Variants in CTNND2 observed in about 807,000 individuals in gnomAD.
CTNND2 encodes the protein catenin delta-2.
CTNND2 carries 22 observed loss-of-function variants against 144.4 expected under a neutral mutation model. The ratio of observed to expected loss-of-function variants is 0.15; its 90% CI spans 0.11 to 0.22. CTNND2 has a LOEUF of 0.22. Among genes scored for constraint, CTNND2 ranks in the 10% least tolerant of loss-of-function variants. The probability of loss-of-function intolerance (pLI) is 1.00; values close to 1 mark genes in which losing one functional copy is unlikely to be tolerated. For missense variants in CTNND2, 1,353 were observed against 1,618.8 expected (o/e 0.84, Z 2.82); for synonymous variants, 751 against 695.6 (o/e 1.08, Z -1.25).
intron 2 of CTNND2, among the ~76,000 whole-genome samples, chr5:11,666,094 TA>T (rs1454973764): frequency 6.6e-6 from 1 of 152,172 alleles, no homozygotes; most frequent in African/African-American, 2.4e-5. Context: ...GGATGACACT[TA>T]AGCCCCAAAC....
chr5:11,491,203 G>T (rs2149993414), intron 3 of CTNND2, among the ~76,000 whole-genome samples: 1 of 152,222 alleles, frequency 6.6e-6, no homozygotes, highest in East Asian at 1.9e-4. Flanking sequence ...GTATCCTCCT[G>T]TCCTGGTTCC....
chr5:11,348,072 GAGA>G (rs1754972341), intron 8 of CTNND2, among the ~76,000 whole-genome samples: 1 of 152,124 alleles, frequency 6.6e-6, no homozygotes, highest in Non-Finnish European at 1.5e-5. Context: ...AAATATTTAA[GAGA>G]AACTTTATAA....
chr5:10,987,208 T>C (rs1738089749), intron 20 of CTNND2, among the ~76,000 whole-genome samples: 1 of 152,192 alleles, frequency 6.6e-6, no homozygotes, highest in Non-Finnish European at 1.5e-5. Flanking sequence ...CACATCCTGC[T>C]TCTTGGAGGA....
intron 3 of CTNND2, among the ~76,000 whole-genome samples, chr5:11,559,168 T>C (rs1360574592): frequency 6.6e-6 from 1 of 152,154 alleles, no homozygotes; most frequent in Non-Finnish European, 1.5e-5. Context: ...TACACGTGTG[T>C]GGGTGGGATT....
intron 3 of CTNND2, among the ~76,000 whole-genome samples, chr5:11,493,288 G>C (rs1769617014): frequency 6.6e-6 from 1 of 152,116 alleles, no homozygotes; most frequent in South Asian, 2.1e-4. Context: ...CCCTGAGTTT[G>C]AAGTATCAGG....
At chr5:11,501,836 G>A (rs554249180) in intron 3 of CTNND2, among the ~76,000 whole-genome samples, 23 of 147,114 alleles carry the variant, frequency 1.6e-4, no homozygotes, top group African/African-American at 5.4e-4. Context: ...GTGAAATCCC[G>A]GCTAACATGG....
intron 3 of CTNND2, among the ~76,000 whole-genome samples, chr5:11,564,678 G>T (rs188919991): frequency 6.6e-6 from 1 of 151,560 alleles, no homozygotes; most frequent in African/African-American, 2.4e-5. Context: ...TTTCCAGCAA[G>T]CTGGCTGAAT....
chr5:11,166,255 T>TC (rs1338323883), intron 11 of CTNND2, among the ~76,000 whole-genome samples: 1 of 149,424 alleles, frequency 6.7e-6, no homozygotes, highest in African/African-American at 2.5e-5. Flanking sequence ...AGTTCTTTTT[T>TC]TTTTTTTTTT....
chr5:11,129,454 C>T (rs1237808311), intron 12 of CTNND2, among the ~76,000 whole-genome samples: 1 of 145,898 alleles, frequency 6.9e-6, no homozygotes, highest in African/African-American at 2.6e-5. Flanking sequence ...TGCCAAGGCC[C>T]TCTGCATGAG....
chr5:11,208,779 G>C (rs181299754), intron 10 of CTNND2, among the ~76,000 whole-genome samples: 1 of 152,248 alleles, frequency 6.6e-6, no homozygotes, highest in East Asian at 1.9e-4. Flanking sequence ...GAAAAGGACC[G>C]ATGCACACAC....
chr5:11,303,503 G>A (rs1277859893), intron 9 of CTNND2, among the ~76,000 whole-genome samples: 2 of 152,088 alleles, frequency 1.3e-5, no homozygotes, highest in Non-Finnish European at 2.9e-5. Context: ...GGGTTGCTGA[G>A]GCCTTAGTGA....
At chr5:11,546,363 A>T (rs962680799) in intron 3 of CTNND2, among the ~76,000 whole-genome samples, 13 of 152,170 alleles carry the variant, frequency 8.5e-5, no homozygotes, top group Non-Finnish European at 1.3e-4. Flanking sequence ...TAAATAAAAA[A>T]GGTTGTCTGC....
intron 9 of CTNND2, among the ~76,000 whole-genome samples, chr5:11,291,450 A>G (rs1163764532): frequency 6.6e-6 from 1 of 151,986 alleles, no homozygotes; most frequent in Non-Finnish European, 1.5e-5. Flanking sequence ...TCATTTTCCC[A>G]GTTTACTGTG....
chr5:11,151,202 C>T (rs985904021), intron 12 of CTNND2, among the ~76,000 whole-genome samples: 2 of 152,184 alleles, frequency 1.3e-5, no homozygotes, highest in African/African-American at 4.8e-5. Context: ...GCTGGAGAGG[C>T]TGGGTACGTA....
intron 9 of CTNND2, among the ~76,000 whole-genome samples, chr5:11,321,057 G>A (rs938170957): frequency 4.6e-5 from 7 of 152,044 alleles, no homozygotes; most frequent in Admixed American, 3.9e-4. Flanking sequence ...AATAAATGCA[G>A]AGCTAAATAA....
intron 12 of CTNND2, among the ~76,000 whole-genome samples, chr5:11,149,498 T>C (rs1396119680): frequency 6.6e-6 from 1 of 152,198 alleles, no homozygotes; most frequent in Admixed American, 6.5e-5. Context: ...AGCTACTTTC[T>C]GGTAATAAGT....
chr5:11,360,313 G>A (rs1561275715), intron 8 of CTNND2, among the ~76,000 whole-genome samples: 1 of 152,146 alleles, frequency 6.6e-6, no homozygotes, highest in South Asian at 2.1e-4. Flanking sequence ...TATCTTCAAT[G>A]TCTGAAGTTT....
chr5:11,639,663 A>C (rs1781891741), intron 2 of CTNND2, among the ~76,000 whole-genome samples: 1 of 152,206 alleles, frequency 6.6e-6, no homozygotes, highest in South Asian at 2.1e-4. Context: ...AGGCTAATGC[A>C]TCTTAAGAAT....
chr5:11,301,692 C>T (rs905492488), intron 9 of CTNND2, among the ~76,000 whole-genome samples: 1 of 152,096 alleles, frequency 6.6e-6, no homozygotes. Flanking sequence ...TGCAAGCAGA[C>T]AGGGAATGGG....
Sources: allele counts gnomAD v4.1 joint callset (sites outside exome capture counted in the v4.1 genomes callset), GRCh38; gene constraint gnomAD v4.1.1; transcripts MANE v1.5; gene names NCBI Gene and HGNC (gene_info 2026-07-23, HGNC 2026-07-21).